The following OCA2 variants were observed in gnomAD, a reference collection of about 807,000 sequenced individuals.
The protein encoded by OCA2 is P protein.
Under a neutral mutation model 100.2 loss-of-function variants are expected in OCA2, and 77 were observed. That is an observed-to-expected ratio of 0.77 (90% confidence interval 0.64 to 0.93). The LOEUF (loss-of-function observed/expected upper bound fraction) is 0.93, where lower values mean the gene tolerates loss of function less well. Ranked by LOEUF, OCA2 falls within the 40% of genes least tolerant of loss-of-function variation. OCA2 has a pLI of 0.00. For missense variants in OCA2, 1,062 were observed against 1,089.1 expected (o/e 0.98, Z 0.35); for synonymous variants, 432 against 439.2 (o/e 0.98, Z 0.21).
At chr15:27,935,599 C>T (rs938683804) in intron 18 of OCA2, among the ~76,000 whole-genome samples, 1 of 152,210 alleles carries the variant, frequency 6.6e-6, no homozygotes, top group Non-Finnish European at 1.5e-5. Context: ...GGCTGCACAG[C>T]TTGCTGGGGT....
intron 1 of OCA2, among the ~76,000 whole-genome samples, chr15:28,097,397 G>C (rs1218449336): frequency 2.0e-5 from 3 of 152,240 alleles, no homozygotes; most frequent in Non-Finnish European, 4.4e-5. Flanking sequence ...AGCTGAGGGA[G>C]CTCCGGCTTG....
At chr15:28,012,410 T>C (rs2141209626) in intron 9 of OCA2, among the ~76,000 whole-genome samples, 1 of 152,284 alleles carries the variant, frequency 6.6e-6, no homozygotes, top group East Asian at 1.9e-4. Flanking sequence ...CTGGGAGGTC[T>C]TGGGCTGCCA....
chr15:27,874,494 C>G (rs75344350), intron 19 of OCA2, among the ~76,000 whole-genome samples: 1 of 152,114 alleles, frequency 6.6e-6, no homozygotes, highest in Non-Finnish European at 1.5e-5. Context: ...CCACAGAATA[C>G]GATGAAGTGA....
chr15:28,066,616 C>T (rs1190330964), intron 2 of OCA2, among the ~76,000 whole-genome samples: 1 of 152,116 alleles, frequency 6.6e-6, no homozygotes, highest in African/African-American at 2.4e-5. Flanking sequence ...TATTTTGCCC[C>T]AAAATATATT....
chr15:27,837,128 A>G (rs139048383), intron 23 of OCA2, among the ~76,000 whole-genome samples: 9 of 152,376 alleles, frequency 5.9e-5, no homozygotes, highest in African/African-American at 2.2e-4. Context: ...CCTGCAGACC[A>G]TGTTTCTGCC....
chr15:27,951,795 T>A lies in OCA2; in HGVS notation c.1940A>T (p.His647Leu). The part of the protein sequence containing the change: ...FFLNSFVPGI[H>L]LDLGWIAILG... ...TAAATTAGACTCACCAAGATCAAGA[T>A]GAATGCCAGGGACAAACGAATTGAG... The change falls in exon 18 of 24, where the codon CAT becomes CTT. Residue 647 changes from histidine to leucine, a missense_variant. Transcript: ENST00000354638. 1 of 1,609,076 alleles carries A rather than the reference T, an allele frequency of 6.2e-7. No individual in the cohort carries two copies.
chr15:27,873,046 C>A (rs1294119831), intron 19 of OCA2, among the ~76,000 whole-genome samples: 1 of 152,202 alleles, frequency 6.6e-6, no homozygotes, highest in Non-Finnish European at 1.5e-5. Flanking sequence ...CAGTTGTTAG[C>A]CGACTTTCAT....
chr15:27,847,046 A>C (rs1335737832), intron 22 of OCA2, among the ~76,000 whole-genome samples: 2 of 152,162 alleles, frequency 1.3e-5, no homozygotes, highest in African/African-American at 2.4e-5. Flanking sequence ...TCCTGCAACC[A>C]GATGTGTCTG....
the OCA2 span, among the ~76,000 whole-genome samples, chr15:27,742,538 C>T: frequency 1.3e-5 from 2 of 152,092 alleles, no homozygotes; most frequent in South Asian, 4.2e-4. Context: ...GAGCTGTGGC[C>T]GGTAAGATTT....
At chr15:27,970,835 C>A (rs915058548) in intron 14 of OCA2, among the ~76,000 whole-genome samples, 1 of 150,612 alleles carries the variant, frequency 6.6e-6, no homozygotes, top group Non-Finnish European at 1.5e-5. Flanking sequence ...GGTGGGAAAA[C>A]GTGAAAAACG....
intron 1 of OCA2, among the ~76,000 whole-genome samples, chr15:28,097,887 C>G (rs1171952614): frequency 1.3e-5 from 2 of 152,210 alleles, no homozygotes; most frequent in African/African-American, 2.4e-5. Context: ...GCTCCCAACC[C>G]CCCAGCCACA....
At chr15:27,838,316 G>A (rs2035228710) in intron 23 of OCA2, among the ~76,000 whole-genome samples, 1 of 152,146 alleles carries the variant, frequency 6.6e-6, no homozygotes, top group African/African-American at 2.4e-5. Context: ...ATTATAAGGT[G>A]TTCCAGGAAG....
At chr15:27,814,941 T>C (rs57950971) in intron 23 of OCA2, among the ~76,000 whole-genome samples, 88 of 85,552 alleles carry the variant, frequency 1.0e-3, no homozygotes, top group African/African-American at 2.7e-3. Context: ...GATAGATAGA[T>C]AGATACAGAG....
chr15:27,979,330 A>C (rs2041069597), intron 14 of OCA2, among the ~76,000 whole-genome samples: 1 of 152,206 alleles, frequency 6.6e-6, no homozygotes, highest in African/African-American at 2.4e-5. Context: ...TGTAATCCCA[A>C]AGTTAGCTGA....
At chr15:27,966,655 A>C (rs1356216892) in intron 15 of OCA2, 35 bp downstream of exon 15, 5 of 1,612,172 alleles carry the variant, frequency 3.1e-6, no homozygotes, top group Non-Finnish European at 4.2e-6. Context: ...ATGGTCATGA[A>C]ATCTGAGCCT....
chr15:27,989,139 C>T (rs1209033894), intron 11 of OCA2, among the ~76,000 whole-genome samples: 2 of 152,118 alleles, frequency 1.3e-5, no homozygotes, highest in African/African-American at 2.4e-5. Flanking sequence ...TTGGGCACTT[C>T]GAGATCCTGC....
chr15:27,783,020 A>T (rs1032100437), intron 23 of OCA2, among the ~76,000 whole-genome samples: 53 of 152,262 alleles, frequency 3.5e-4, no homozygotes, highest in African/African-American at 1.2e-3. Context: ...AGGAAAATGT[A>T]CAAGGTGTTG....
chr15:28,072,126 G>A (rs887204582), intron 2 of OCA2, among the ~76,000 whole-genome samples: 4 of 152,226 alleles, frequency 2.6e-5, no homozygotes, highest in African/African-American at 7.2e-5. Flanking sequence ...CCAGCACTTT[G>A]GGAGGCCGAA....
intron 2 of OCA2, among the ~76,000 whole-genome samples, chr15:28,081,403 A>T (rs975873734): frequency 6.6e-6 from 1 of 152,198 alleles, no homozygotes; most frequent in African/African-American, 2.4e-5. Flanking sequence ...TAATATATTA[A>T]GTGTTAAGTC....
Sources: gnomAD v4.1 joint callset for allele counts (sites outside exome capture counted in the v4.1 genomes callset) on GRCh38, gnomAD v4.1.1 for gene constraint, MANE v1.5 for transcripts, NCBI Gene and HGNC (gene_info 2026-07-23, HGNC 2026-07-21) for gene names.